Variants in TMBIM1 observed in about 807,000 individuals in gnomAD.
TMBIM1 encodes transmembrane BAX inhibitor motif containing 1, also known as protein lifeguard 3.
Under a neutral mutation model 45.1 loss-of-function variants are expected in TMBIM1, and 34 were observed. The ratio of observed to expected loss-of-function variants is 0.75; its 90% CI spans 0.57 to 1.00. The LOEUF (loss-of-function observed/expected upper bound fraction) is 1.00. TMBIM1 is among the 50% of genes least tolerant of loss of function. The probability of loss-of-function intolerance (pLI) is 0.00; values close to 1 mark genes in which losing one functional copy is unlikely to be tolerated. For synonymous variants in TMBIM1, 157 were observed against 153.5 expected (o/e 1.02, Z -0.17); for missense variants, 374 against 402.4 (o/e 0.93, Z 0.60).
At position 218,275,577 on chromosome 2, in the gene TMBIM1, G is replaced by A. The variant is rs1691111227; in HGVS notation, c.834C>T (p.His278=). The change falls in exon 12 of 12, where the codon CAC becomes CAT. Residue 278 remains histidine (H), a synonymous_variant. Transcript: ENST00000258412. ...DTQLVLGNRK[H]TISPEDYITG... ...TGATGTAGTCCTCGGGGCTGATGGT[G>A]TGCTTCCGGTTCCCCAGGACCAGCT... The A allele has an allele frequency of 6.2e-7, 1 of 1,613,970 alleles. No individual in the cohort carries two copies. Among genetic ancestry groups the A allele is most frequent in the Non-Finnish European group, 8.5e-7 (1 of 1,179,978 alleles).
intron 9 of TMBIM1, 99 bp from the exon 10 acceptor site, chr2:218,277,198 G>A (rs1314661664): frequency 1.7e-6 from 2 of 1,188,412 alleles, no homozygotes; most frequent in African/African-American, 1.5e-5. Flanking sequence ...CTCCTAGGGG[G>A]TATGGGAATG....
chr2:218,275,000 T>C lies in TMBIM1; in HGVS notation c.*475A>G, dbSNP rs1691056092. 1 of 154,042 alleles carries C rather than the reference T, an allele frequency of 6.5e-6. No homozygotes were observed. The highest frequency in any genetic ancestry group is 1.4e-5 in the Non-Finnish European group (1 of 68,994). 9.5% of individuals were successfully genotyped at this position (154,042 alleles called of 1,614,324 possible). On this transcript the variant is annotated 3_prime_UTR_variant, in exon 12 of 12. Coordinates refer to ENST00000258412, the MANE Select transcript of TMBIM1 (RefSeq NM_022152.6). ...CAAAGGAATACAGGATAATGGCCTA[T>C]GTGTCCAGGAGGCCGGGGACAAAGC... is the stretch of plus-strand genomic sequence containing the variant.
intron 1 of TMBIM1, among the ~76,000 whole-genome samples, chr2:218,289,237 C>T (rs2106237085): frequency 1.0e-5 from 1 of 96,564 alleles, no homozygotes; most frequent in Admixed American, 1.2e-4. Flanking sequence ...AAGCCTGGGT[C>T]CTGGGCTAGG....
chr2:218,283,762 G>A (rs1574651234), intron 1 of TMBIM1, among the ~76,000 whole-genome samples: 1 of 152,326 alleles, frequency 6.6e-6, no homozygotes, highest in East Asian at 1.9e-4. Context: ...GAGGGTTGAG[G>A]AGGGGGAATT....
intron 1 of TMBIM1, chr2:218,286,929 T>C (rs1181632816): frequency 6.6e-6 from 1 of 152,226 alleles, no homozygotes; most frequent in Non-Finnish European, 1.5e-5. Context: ...AGCCCAGATC[T>C]GACGATTTGT....
At position 218,275,422 on chromosome 2, in the gene TMBIM1, C is replaced by T; in HGVS notation, c.*53G>A. ...CCAGACCACAGTCATAGGGCCCAGC[C>T]CTCTAGCTTGGAAGGGAGAGCCCAG... On this transcript the variant is annotated 3_prime_UTR_variant, in exon 12 of 12. Transcript: ENST00000258412. 1.3e-6 allele frequency: 2 copies of T among 1,580,256 alleles called. No homozygotes were observed. Among genetic ancestry groups the T allele is most frequent in the South Asian group, 1.2e-5 (1 of 85,148 alleles).
In TMBIM1 at chr2:218,281,970, G is replaced by T. The variant is rs778650493; in HGVS notation, c.172C>A (p.Pro58Thr). The T allele has an allele frequency of 5.6e-6, 9 of 1,603,368 alleles. No individual in the cohort carries two copies. Among genetic ancestry groups the T allele is most frequent in the Non-Finnish European group, 7.7e-6 (9 of 1,176,106 alleles). Residue 58 changes from proline (P) to threonine (T), a missense_variant, in exon 2 of 12, where the codon CCC becomes ACC. By Grantham distance (38) the Pro-to-Thr change is conservative (BLOSUM62 -1). Coordinates refer to ENST00000258412, the MANE Select transcript of TMBIM1 (RefSeq NM_022152.6). ...GHPAGYPQPMPPTHPMPMNYG... is the reference protein window; with the variant it reads ...GHPAGYPQPMTPTHPMPMNYG... ...TTCATGGGCATCGGGTGGGTGGGGG[G>T]CATGGGCTGTGGGTAGCCAGCAGGG...
chr2:218,279,569 C>A (rs986563821), intron 3 of TMBIM1: 14 of 527,966 alleles, frequency 2.7e-5, no homozygotes, highest in East Asian at 1.6e-4. Context: ...CTGTCCAACA[C>A]CAGCCTCGGT....
chr2:218,279,370 G>T lies in TMBIM1; in HGVS notation c.304-17C>A. ...GGAGTAAACCTGGACACAGACGGCC[G>T]GGCATGGGTCACCATCCGGCACCCC... On this transcript the variant is annotated splice_polypyrimidine_tract_variant and intron_variant, in intron 3 of 11. Transcript: ENST00000258412. 1 of 1,541,712 alleles carries T rather than the reference G, an allele frequency of 6.5e-7. No individual in the cohort carries two copies. Among genetic ancestry groups the T allele is most frequent in the East Asian group, 2.3e-5 (1 of 43,770 alleles).
At position 218,275,551 on chromosome 2, in the gene TMBIM1, G is replaced by A. The variant is rs1238027309; in HGVS notation, c.860C>T (p.Thr287Ile). 5 of 1,614,112 alleles carry A rather than the reference G, an allele frequency of 3.1e-6. No homozygotes were observed. Among genetic ancestry groups the A allele is most frequent in the Non-Finnish European group, 4.2e-6 (5 of 1,179,996 alleles). ...KHTISPEDYI[T>I]GALQIYTDII... ...GTCTGTGTAAATCTGCAGGGCGCCAGTGATGTAGTCCTCGGGGCTGATGGT... is the reference window on the plus strand; with the variant it reads ...GTCTGTGTAAATCTGCAGGGCGCCAATGATGTAGTCCTCGGGGCTGATGGT... Residue 287 changes from threonine (T) to isoleucine (I), a missense_variant, in exon 12 of 12, where the codon ACT (threonine) becomes ATT (isoleucine). Coordinates refer to ENST00000258412, the MANE Select transcript of TMBIM1 (RefSeq NM_022152.6).
intron 10 of TMBIM1, among the ~76,000 whole-genome samples, 197 bp from the exon 11 acceptor site, chr2:218,276,276 C>T (rs1056070262): frequency 2.6e-5 from 4 of 152,180 alleles, no homozygotes; most frequent in African/African-American, 9.7e-5. Context: ...CAGAGGCCAT[C>T]CTGCAATGGC....
chr2:218,278,098 G>C (rs1016858794), intron 6 of TMBIM1, 124 bp from the exon 7 acceptor site: 1 of 1,109,860 alleles, frequency 9.0e-7, no homozygotes, highest in Non-Finnish European at 1.3e-6. Flanking sequence ...CAAGGAGGGA[G>C]GTTGGCATGG....
At chr2:218,279,378 G>A in intron 3 of TMBIM1, 25 bp from the exon 4 acceptor site, 1 of 1,535,654 alleles carries the variant, frequency 6.5e-7, no homozygotes, top group Non-Finnish European at 8.8e-7. Context: ...CCGGGCATGG[G>A]TCACCATCCG....
At chr2:218,277,233 C>T (rs1169489303) in intron 9 of TMBIM1, 133 bp downstream of exon 9, 1 of 1,160,038 alleles carries the variant, frequency 8.6e-7, no homozygotes, top group African/African-American at 1.5e-5. Flanking sequence ...AGGACAGAAA[C>T]AGGACACAGT....
rs2292550 is a variant in TMBIM1 at position 218,275,565 on chromosome 2, G to A, written c.846C>T (p.Pro282=). 27 of 1,613,824 alleles carry A rather than the reference G, an allele frequency of 1.7e-5. No individual in the cohort carries two copies. Among genetic ancestry groups the A allele is most frequent in the African/African-American group, 5.3e-5 (4 of 74,984 alleles). ...GCAGGGCGCCAGTGATGTAGTCCTC[G>A]GGGCTGATGGTGTGCTTCCGGTTCC... is the stretch of plus-strand genomic sequence containing the variant. ...VLGNRKHTIS[P]EDYITGALQI... Residue 282 remains proline, a synonymous_variant, in exon 12 of 12, where the codon CCC becomes CCT. Transcript: ENST00000258412.
At chr2:218,275,752 A>G in intron 11 of TMBIM1, 131 bp from the exon 12 acceptor site, 3 of 1,148,198 alleles carry the variant, frequency 2.6e-6, no homozygotes, top group Non-Finnish European at 3.7e-6. Context: ...ACAGCATAAC[A>G]TATGGGCTCT....
Position 218,278,543 on chromosome 2 carries a change from G to A in TMBIM1, c.445C>T (p.Leu149=), listed in dbSNP as rs1410810647. 1 of 1,614,182 alleles carries A rather than the reference G, an allele frequency of 6.2e-7. No individual in the cohort carries two copies. The highest frequency in any genetic ancestry group is 1.7e-5 in the Admixed American group (1 of 60,022). Residue 149 remains leucine (L), a synonymous_variant, in exon 6 of 12, where the codon CTG becomes TTG. Coordinates refer to ENST00000258412, the MANE Select transcript of TMBIM1 (RefSeq NM_022152.6). The part of the protein sequence containing the change: ...VSYAVFVVTY[L]ILACCQGPRR... Reference sequence around the variant, plus strand: ...GGTCCCTGGCAGCAGGCAAGGATCAGGTAGGTGACAACGAAGACAGCACTA... The same window carrying A: ...GGTCCCTGGCAGCAGGCAAGGATCAAGTAGGTGACAACGAAGACAGCACTA...
At chr2:218,276,104 G>A (rs1406840906) in intron 10 of TMBIM1, 25 bp from the exon 11 acceptor site, 11 of 1,610,192 alleles carry the variant, frequency 6.8e-6, no homozygotes, top group Non-Finnish European at 8.5e-6. Context: ...GACAGAGAAT[G>A]GCATTAGAAA....
At chr2:218,285,422 G>A (rs929946303) in intron 1 of TMBIM1, among the ~76,000 whole-genome samples, 2 of 152,136 alleles carry the variant, frequency 1.3e-5, no homozygotes, top group African/African-American at 4.8e-5. Flanking sequence ...CCTCTCATGG[G>A]TTTTAGCCTC....
Sources: allele counts gnomAD v4.1 joint callset (sites outside exome capture counted in the v4.1 genomes callset), GRCh38; gene constraint gnomAD v4.1.1; transcripts MANE v1.5; gene names NCBI Gene and HGNC (gene_info 2026-07-23, HGNC 2026-07-21).